Variants in DYNC2I2 observed in about 807,000 individuals in gnomAD.
The protein encoded by DYNC2I2 is dynein 2 intermediate chain 2, also known as cytoplasmic dynein 2 intermediate chain 2.
In DYNC2I2, 39 loss-of-function variants were observed where a neutral mutation model predicts 52.0. The ratio of observed to expected loss-of-function variants is 0.75; its 90% confidence interval spans 0.58 to 0.98. The LOEUF is 0.98. Among genes scored for constraint, DYNC2I2 ranks in the 50% least tolerant of loss-of-function variants. The probability of loss-of-function intolerance (pLI) is 0.00; values close to 1 mark genes in which losing one functional copy is unlikely to be tolerated. For missense variants in DYNC2I2, 743 were observed against 728.4 expected, an observed-to-expected ratio of 1.02 and a Z score of -0.23; for synonymous variants, 359 against 321.1, an observed-to-expected ratio of 1.12 and a Z score of -1.26.
At chr9:128,645,034 T>C (rs527320245) in intron 1 of DYNC2I2, among the ~76,000 whole-genome samples, 2 of 152,176 alleles carry the variant, frequency 1.3e-5, no homozygotes, top group African/African-American at 2.4e-5. Flanking sequence ...GCCTCCCTAT[T>C]CCGAGACAAG....
chr9:128,683,701 T>C, the DYNC2I2 span: 4 of 504,812 alleles, frequency 7.9e-6, no homozygotes, highest in African/African-American at 2.0e-5. Context: ...AAATTTCTCC[T>C]GATTGGAGGG....
chr9:128,658,974 G>T (rs1860886607), upstream of DYNC2I2, among the ~76,000 whole-genome samples: 1 of 151,692 alleles, frequency 6.6e-6, no homozygotes, highest in Admixed American at 6.6e-5. Flanking sequence ...CAAGTGAACT[G>T]CTCACTTCTA....
intron 1 of DYNC2I2, among the ~76,000 whole-genome samples, chr9:128,644,012 T>A (rs1860566159): frequency 6.6e-6 from 1 of 152,088 alleles, no homozygotes; most frequent in Non-Finnish European, 1.5e-5. Context: ...GATCAGAAAG[T>A]GCATGTGCCG....
rs1341280903 is a variant in DYNC2I2, at chr9:128,656,550, G to A, written c.177C>T (p.Arg59=). Residue 59 remains arginine, a synonymous_variant, in exon 1 of 9, where the codon CGC becomes CGT. Transcript: ENST00000372715. ...GGGCCCGCGCCCTCACCGTCTCCCA[G>A]CGGATGCCCTGGACGGCCCTCCACT... ...PSQWRAVQGI[R]WETKSCQTAS... The A allele has an allele frequency of 1.4e-6, 2 of 1,423,746 alleles. No homozygotes were observed. Among genetic ancestry groups the A allele is most frequent in the Non-Finnish European group, 1.8e-6 (2 of 1,091,546 alleles). 88.2% of individuals were successfully genotyped at this position (1,423,746 alleles called of 1,614,324 possible). A position where few individuals can be genotyped will look rare whatever the true frequency, so the allele number is the denominator to read the frequency against.
At chr9:128,653,046 T>C (rs1424165415) in intron 1 of DYNC2I2, among the ~76,000 whole-genome samples, 2 of 149,872 alleles carry the variant, frequency 1.3e-5, no homozygotes, top group Admixed American at 6.6e-5. Context: ...CTGGCCAGCA[T>C]GGTGAAACCC....
At chr9:128,665,769 C>CAAAA in the DYNC2I2 span, among the ~76,000 whole-genome samples, 3 of 72,148 alleles carry the variant, frequency 4.2e-5, no homozygotes, top group African/African-American at 5.2e-5. Flanking sequence ...GACTCTGTGT[C>CAAAA]AAAAAAAAAA....
In DYNC2I2 at chr9:128,650,972, G is replaced by A. The variant is rs560753729; in HGVS notation, c.186+5569C>T. ...GCACAACCGGCACCCAGAATCTGTC[G>A]CCGCTGCTTGAACACAGCCTGCACC... On this transcript the variant is annotated intron_variant, in intron 1 of 8. Transcript: ENST00000372715. 3.4e-5 allele frequency: 2 copies of A among 58,384 alleles called. 1 individual carries two copies. The highest frequency in any genetic ancestry group is 3.9e-4 in the Admixed American group (2 of 5,098). The allele number at this position is 58,384 out of a possible 1,614,324, so 3.6% of individuals were successfully genotyped here. A position where few individuals can be genotyped will look rare whatever the true frequency, so the allele number is the denominator to read the frequency against.
chr9:128,654,387 C>T (rs1475998520), intron 1 of DYNC2I2, among the ~76,000 whole-genome samples: 1 of 152,106 alleles, frequency 6.6e-6, no homozygotes, highest in African/African-American at 2.4e-5. Context: ...TGCTCATTTT[C>T]AGAGGAAAAA....
At chr9:128,680,243 T>G in the DYNC2I2 span, among the ~76,000 whole-genome samples, 2 of 151,940 alleles carry the variant, frequency 1.3e-5, no homozygotes. Flanking sequence ...GTATTTTTAA[T>G]AGAGACGGGG....
At chr9:128,682,620 T>C in the DYNC2I2 span, among the ~76,000 whole-genome samples, 11 of 150,654 alleles carry the variant, frequency 7.3e-5, no homozygotes, top group Non-Finnish European at 1.5e-4. Flanking sequence ...GAGGCTGCCG[T>C]GAGCCATGAT....
At chr9:128,656,332 T>TA (rs1407049129) in intron 1 of DYNC2I2, among the ~76,000 whole-genome samples, 1 of 151,988 alleles carries the variant, frequency 6.6e-6, no homozygotes, top group Non-Finnish European at 1.5e-5. Flanking sequence ...TTTTTGTTGT[T>TA]AAAAAATGGG....
chr9:128,635,257 C>G lies in DYNC2I2; in HGVS notation c.816G>C (p.Val272=). ...DDTHTDPVSQ[V]VWLPEPGHSH... ...TGTGCCCAGGCTCGGGCAGCCACAC[C>G]ACCTGAGTTAACAGCATGCAGGGCC... Residue 272 remains valine, a splice_region_variant and synonymous_variant, in exon 6 of 9, where the codon GTG becomes GTC. Transcript: ENST00000372715. The G allele has an allele frequency of 6.2e-7, 1 of 1,612,606 alleles. No homozygotes were observed. Among genetic ancestry groups the G allele is most frequent in the Non-Finnish European group, 8.5e-7 (1 of 1,179,706 alleles).
chr9:128,672,059 C>T, the DYNC2I2 span, among the ~76,000 whole-genome samples: 13 of 145,610 alleles, frequency 8.9e-5, no homozygotes, highest in South Asian at 2.2e-4. Flanking sequence ...CTGCAACCTC[C>T]ACCTCCTGGG....
Position 128,636,345 on chromosome 9 carries a change from C to G in DYNC2I2, c.639G>C (p.Val213=), listed in dbSNP as rs992323389. 3 of 1,604,724 alleles carry G rather than the reference C, an allele frequency of 1.9e-6. No homozygotes were observed. The African/African-American group carries it at 4.0e-5, about 21-fold the overall frequency. The part of the protein sequence containing the change: ...RDLRPQQPSA[V]VEVPSAVLCL... The stretch of plus-strand genomic sequence containing the variant: ...ACAGGACAGCGCTGGGGACCTCCAC[C>G]ACGGCCGACGGCTGCTGGGGACGCA... Residue 213 remains valine (V), a synonymous_variant, in exon 4 of 9, where the codon GTG becomes GTC. Coordinates refer to ENST00000372715, the MANE Select transcript of DYNC2I2 (RefSeq NM_052844.4).
Position 128,634,296 on chromosome 9 carries a change from G to A in DYNC2I2, c.1302C>T (p.Ser434=). 6.2e-7 allele frequency: 1 copy of A among 1,613,800 alleles called. No homozygotes were observed. Among genetic ancestry groups the A allele is most frequent in the Non-Finnish European group, 8.5e-7 (1 of 1,179,974 alleles). The change falls in exon 8 of 9, where the codon TCC becomes TCT. Residue 434 remains serine (S), a synonymous_variant. Coordinates refer to ENST00000372715, the MANE Select transcript of DYNC2I2 (RefSeq NM_052844.4). ...AGCGCACAGCAAACAGATACTTGAG[G>A]GAGAGCTGCAGCGAAGTCAAGGGAG... The part of the protein sequence containing the change: ...QAPPLTSLQL[S]LKYLFAVRWS...
At chr9:128,642,582 A>G (rs1301484077) in intron 1 of DYNC2I2, among the ~76,000 whole-genome samples, 5 of 151,800 alleles carry the variant, frequency 3.3e-5, no homozygotes, top group East Asian at 1.9e-4. Context: ...CATCCTGGCT[A>G]ATACGGTGAA....
intron 8 of DYNC2I2, 65 bp downstream of exon 8, chr9:128,634,161 A>G: frequency 6.3e-7 from 1 of 1,598,456 alleles, no homozygotes; most frequent in Non-Finnish European, 8.5e-7. Flanking sequence ...CCAGAACCCC[A>G]GGTACAAGCA....
chr9:128,660,693 C>A (rs750386563), upstream of DYNC2I2, among the ~76,000 whole-genome samples: 2 of 151,802 alleles, frequency 1.3e-5, no homozygotes, highest in Non-Finnish European at 2.9e-5. Flanking sequence ...CCATGCCTGG[C>A]CTGACAAAGC....
chr9:128,683,279 C>CTTT, the DYNC2I2 span: 2,015 of 155,240 alleles, frequency 0.013, 17 homozygotes, highest in Admixed American at 0.029. Flanking sequence ...TTTCTTTCTT[C>CTTT]TTTTTTTTTT....
Sources: allele counts gnomAD v4.1 joint callset (sites outside exome capture counted in the v4.1 genomes callset), GRCh38; gene constraint gnomAD v4.1.1; transcripts MANE v1.5; gene names NCBI Gene and HGNC (gene_info 2026-07-23, HGNC 2026-07-21).